The following SELENOF variants were observed in gnomAD, a reference collection of about 807,000 sequenced individuals.
SELENOF encodes 15 kDa selenoprotein.
SELENOF carries 16 observed loss-of-function variants against 20.5 expected under a neutral mutation model. That is an observed-to-expected ratio of 0.78 (90% CI 0.53 to 1.19). The LOEUF is 1.19. SELENOF is among the 50% of genes most tolerant of loss of function. The probability of loss-of-function intolerance (pLI) is 0.00; values close to 1 mark genes in which losing one functional copy is unlikely to be tolerated. For synonymous variants in SELENOF, 78 were observed against 74.5 expected (o/e 1.05, Z -0.24); for missense variants, 215 against 194.2 (o/e 1.11, Z -0.64).
rs919620937 is a variant in SELENOF, at chr1:86,880,790, T to C, written c.253-65A>G. ...ATTAAAAATGTACTTATAAAATAAATATAAATTTTCACAGTATAAACATTA... is the reference window on the plus strand; with the variant it reads ...ATTAAAAATGTACTTATAAAATAAACATAAATTTTCACAGTATAAACATTA... On this transcript the variant is annotated intron_variant, in intron 2 of 4. Transcript: ENST00000331835. 11 of 1,075,582 alleles carry C rather than the reference T, an allele frequency of 1.0e-5. No homozygotes were observed. In the Admixed American group the frequency reaches 2.6e-4, roughly 26 times the overall value. The allele number at this position is 1,075,582 out of a possible 1,614,324, so 66.6% of individuals were successfully genotyped here.
At chr1:86,881,663 T>G (rs745956613) in intron 2 of SELENOF, among the ~76,000 whole-genome samples, 3 of 152,210 alleles carry the variant, frequency 2.0e-5, no homozygotes, top group Non-Finnish European at 4.4e-5. Context: ...ACATGCCCTA[T>G]GCATGTTTAT....
intron 2 of SELENOF, among the ~76,000 whole-genome samples, chr1:86,889,219 G>A (rs1447219087): frequency 6.6e-6 from 1 of 152,048 alleles, no homozygotes; most frequent in Non-Finnish European, 1.5e-5. Context: ...ATTCATTATG[G>A]CAGCCAAATA....
In SELENOF at chr1:86,898,756, T is replaced by C. The variant is rs986786264; in HGVS notation, c.252+4525A>G. On this transcript the variant is annotated intron_variant, in intron 2 of 4. Coordinates refer to ENST00000331835, the MANE Select transcript of SELENOF (RefSeq NM_004261.5). ...GCCACCACACCCAGCTAATTTTTTG[T>C]ATTTTTTTTTTGTTTGTTTGTTTTT... is the stretch of plus-strand genomic sequence containing the variant. 2.1e-5 allele frequency among the ~76,000 whole-genome samples: 3 copies of C among 146,228 alleles called. No individual in the cohort carries two copies. The East Asian group carries it at 5.8e-4, about 28-fold the overall frequency.
At chr1:86,907,196 A>G (rs1394165895) in intron 1 of SELENOF, among the ~76,000 whole-genome samples, 1 of 152,218 alleles carries the variant, frequency 6.6e-6, no homozygotes, top group Admixed American at 6.5e-5. Flanking sequence ...TAAAGAAGCA[A>G]GTGCACAGAA....
intron 1 of SELENOF, among the ~76,000 whole-genome samples, chr1:86,907,427 G>A (rs1481085681): frequency 1.3e-5 from 2 of 152,156 alleles, no homozygotes; most frequent in East Asian, 1.9e-4. Flanking sequence ...TGGTTTTGCA[G>A]ACTTAAGGCT....
chr1:86,909,321 C>T (rs971368952), intron 1 of SELENOF, among the ~76,000 whole-genome samples: 2 of 152,180 alleles, frequency 1.3e-5, no homozygotes, highest in Admixed American at 6.5e-5. Flanking sequence ...CTAGTTACTA[C>T]AGAAGAGACA....
intron 3 of SELENOF, among the ~76,000 whole-genome samples, chr1:86,873,838 G>A (rs1417178458): frequency 1.5e-5 from 2 of 134,630 alleles, no homozygotes; most frequent in Non-Finnish European, 3.1e-5. Context: ...AACAACAGGA[G>A]TGAAACTCCG....
At chr1:86,888,986 A>T (rs1659307292) in intron 2 of SELENOF, among the ~76,000 whole-genome samples, 1 of 152,226 alleles carries the variant, frequency 6.6e-6, no homozygotes, top group South Asian at 2.1e-4. Flanking sequence ...AACAATAAGA[A>T]ACAAAGCTAC....
At chr1:86,889,771 C>A (rs1178750629) in intron 2 of SELENOF, among the ~76,000 whole-genome samples, 10 of 152,172 alleles carry the variant, frequency 6.6e-5, no homozygotes, top group Non-Finnish European at 1.5e-4. Flanking sequence ...AGCAAGAACA[C>A]TGGGAAGCAT....
At chr1:86,914,538 C>A (rs949303128), upstream of SELENOF, 8 of 168,424 alleles carry the variant, frequency 4.7e-5, no homozygotes, top group Non-Finnish European at 9.2e-5. Context: ...CGGACCCGAA[C>A]GGGGGGAGGG....
chr1:86,868,357 T>C (rs1658667352), intron 3 of SELENOF, among the ~76,000 whole-genome samples: 1 of 152,190 alleles, frequency 6.6e-6, no homozygotes, highest in Non-Finnish European at 1.5e-5. Flanking sequence ...TGATAGACAG[T>C]ACAGCTCAAT....
At chr1:86,893,498 G>A (rs1440311848) in intron 2 of SELENOF, among the ~76,000 whole-genome samples, 2 of 151,198 alleles carry the variant, frequency 1.3e-5, no homozygotes, top group East Asian at 3.9e-4. Context: ...CACACCGGTA[G>A]TCCCAGCTAC....
At chr1:86,913,306 T>C (rs1045326351) in intron 1 of SELENOF, among the ~76,000 whole-genome samples, 1 of 152,134 alleles carries the variant, frequency 6.6e-6, no homozygotes, top group South Asian at 2.1e-4. Context: ...CAGCAGAACA[T>C]GGATATGAGA....
At chr1:86,871,947 G>C (rs1259834040) in intron 3 of SELENOF, among the ~76,000 whole-genome samples, 1 of 151,840 alleles carries the variant, frequency 6.6e-6, no homozygotes, top group Non-Finnish European at 1.5e-5. Context: ...ACCTTAAAGA[G>C]ACTTTTTTTT....
At chr1:86,866,669 CAAA>C (rs1371838718) in intron 4 of SELENOF, among the ~76,000 whole-genome samples, 1 of 152,034 alleles carries the variant, frequency 6.6e-6, no homozygotes, top group Non-Finnish European at 1.5e-5. Context: ...GACATCTCAC[CAAA>C]GACACACAGA....
chr1:86,908,820 G>A (rs1376539906), intron 1 of SELENOF, among the ~76,000 whole-genome samples: 2 of 152,098 alleles, frequency 1.3e-5, no homozygotes, highest in Non-Finnish European at 1.5e-5. Flanking sequence ...TCTGGGGAGC[G>A]TTAATAAACA....
chr1:86,895,524 T>C (rs976325023), intron 2 of SELENOF, among the ~76,000 whole-genome samples: 1 of 152,204 alleles, frequency 6.6e-6, no homozygotes, highest in Non-Finnish European at 1.5e-5. Flanking sequence ...TATCCCCAAT[T>C]TATAGTTATA....
intron 3 of SELENOF, among the ~76,000 whole-genome samples, chr1:86,878,172 A>AT (rs1009957663): frequency 5.3e-5 from 8 of 151,828 alleles, no homozygotes; most frequent in Admixed American, 2.0e-4. Context: ...ATGATCTGAG[A>AT]TTTTTTTTTA....
At chr1:86,892,300 CT>C (rs1345246610) in intron 2 of SELENOF, among the ~76,000 whole-genome samples, 2 of 152,160 alleles carry the variant, frequency 1.3e-5, no homozygotes, top group African/African-American at 4.8e-5. Flanking sequence ...TGAATGTGAA[CT>C]GTTGCCAAAC....
Sources: gnomAD v4.1 joint callset for allele counts (sites outside exome capture counted in the v4.1 genomes callset) on GRCh38, gnomAD v4.1.1 for gene constraint, MANE v1.5 for transcripts, NCBI Gene and HGNC (gene_info 2026-07-23, HGNC 2026-07-21) for gene names.